The following PIK3C2A variants were observed in gnomAD, a reference collection of about 807,000 sequenced individuals.
PIK3C2A encodes phosphatidylinositol 4-phosphate 3-kinase C2 domain-containing subunit alpha.
PIK3C2A carries 97 observed loss-of-function variants against 204.5 expected under a neutral mutation model. The ratio of observed to expected loss-of-function variants is 0.47; its 90% confidence interval spans 0.40 to 0.56. PIK3C2A has a LOEUF of 0.56. Among genes scored for constraint, PIK3C2A ranks in the 20% least tolerant of loss-of-function variants. PIK3C2A has a pLI of 0.00. For synonymous variants in PIK3C2A, 653 were observed against 664.4 expected, an observed-to-expected ratio of 0.98 and a Z score of 0.26; for missense variants, 1,735 against 1,969.2, an observed-to-expected ratio of 0.88 and a Z score of 2.25.
At chr11:17,185,078 T>C (rs1487357903) in intron 1 of PIK3C2A, among the ~76,000 whole-genome samples, 3 of 152,202 alleles carry the variant, frequency 2.0e-5, no homozygotes, top group East Asian at 1.9e-4. Flanking sequence ...TATTCACTCA[T>C]TGACTCACCC....
chr11:17,178,962 C>T (rs1474956707), intron 1 of PIK3C2A, among the ~76,000 whole-genome samples: 1 of 151,464 alleles, frequency 6.6e-6, no homozygotes, highest in Non-Finnish European at 1.5e-5. Context: ...ATCTCCTGAC[C>T]TCATGATCCA....
chr11:17,187,717 TA>T (rs1851802059), intron 1 of PIK3C2A, among the ~76,000 whole-genome samples: 2 of 151,994 alleles, frequency 1.3e-5, no homozygotes, highest in African/African-American at 4.8e-5. Flanking sequence ...AATGGCTGTT[TA>T]AAATGGGAAA....
intron 27 of PIK3C2A, among the ~76,000 whole-genome samples, chr11:17,095,889 C>T (rs1451564221): frequency 2.0e-5 from 3 of 151,184 alleles, no homozygotes; most frequent in Non-Finnish European, 1.5e-5. Flanking sequence ...TGCACTCCAG[C>T]CTGGGCAACA....
At chr11:17,166,544 T>A (rs1169793013) in intron 2 of PIK3C2A, among the ~76,000 whole-genome samples, 1 of 152,246 alleles carries the variant, frequency 6.6e-6, no homozygotes, top group Admixed American at 6.5e-5. Flanking sequence ...ATTAAATTAA[T>A]CAAGGTAATT....
In PIK3C2A at chr11:17,132,664, C is replaced by T. The variant is rs557198564; in HGVS notation, c.2109-626G>A. On this transcript the variant is annotated intron_variant, in intron 11 of 32. Coordinates refer to ENST00000691414, the MANE Select transcript of PIK3C2A (RefSeq NM_002645.4). ...AATTTTGTGCTCAGTTAGTTATTAG[C>T]TTCAGATTTTAGTTGAACAACACTG... 2.0e-5 allele frequency among the ~76,000 whole-genome samples: 3 copies of T among 152,292 alleles called. No individual in the cohort carries two copies. In the East Asian group the frequency reaches 5.8e-4, roughly 29 times the overall value.
intron 1 of PIK3C2A, among the ~76,000 whole-genome samples, chr11:17,174,669 C>T (rs1276390833): frequency 4.6e-5 from 7 of 151,236 alleles, no homozygotes; most frequent in East Asian, 4.0e-4. Context: ...GAGGCTGAGG[C>T]AAGTGGATCA....
At chr11:17,199,646 G>A (rs1243482733) in intron 1 of PIK3C2A, among the ~76,000 whole-genome samples, 1 of 152,164 alleles carries the variant, frequency 6.6e-6, no homozygotes, top group Non-Finnish European at 1.5e-5. Flanking sequence ...TAAATTCACA[G>A]AGACAAAAAG....
Position 17,168,751 on chromosome 11 carries a change from C to T in PIK3C2A, c.991G>A (p.Ala331Thr). 6.2e-7 allele frequency: 1 copy of T among 1,613,252 alleles called. No homozygotes were observed. The highest frequency in any genetic ancestry group is 1.3e-5 in the African/African-American group (1 of 74,980). Residue 331 changes from alanine to threonine, a missense_variant, in exon 2 of 33, where the codon GCA (alanine) becomes ACA (threonine). Coordinates refer to ENST00000691414, the MANE Select transcript of PIK3C2A (RefSeq NM_002645.4). Reference sequence around the variant, plus strand: ...AAAGACTGGCTTCTTGTAACAGTTGCCACAGAAAGGGATTTTCCATTCACC... The same window carrying T: ...AAAGACTGGCTTCTTGTAACAGTTGTCACAGAAAGGGATTTTCCATTCACC... ...RKVNGKSLSV[A>T]TVTRSQSLNI...
At chr11:17,167,153 G>C (rs113588445) in intron 2 of PIK3C2A, among the ~76,000 whole-genome samples, 1,926 of 152,094 alleles carry the variant, frequency 0.013, 17 homozygotes, top group Non-Finnish European at 0.021. Flanking sequence ...TTGTAATTGT[G>C]TTAGAGACAG....
chr11:17,128,445 G>C (rs1453192377), intron 13 of PIK3C2A, among the ~76,000 whole-genome samples: 1 of 151,886 alleles, frequency 6.6e-6, no homozygotes, highest in Non-Finnish European at 1.5e-5. Flanking sequence ...CACCATGTTG[G>C]CCAGGCTGTT....
At chr11:17,141,811 T>C (rs1448270331) in intron 8 of PIK3C2A, among the ~76,000 whole-genome samples, 2 of 152,218 alleles carry the variant, frequency 1.3e-5, no homozygotes, top group African/African-American at 4.8e-5. Flanking sequence ...GACTAGAGTA[T>C]AGCTTTGGTA....
At chr11:17,102,961 C>A in intron 23 of PIK3C2A, 130 bp from the exon 24 acceptor site, 1 of 594,108 alleles carries the variant, frequency 1.7e-6, no homozygotes, top group Non-Finnish European at 2.8e-6. Context: ...AGCATACAAA[C>A]TGGGATATAG....
chr11:17,102,516 T>C (rs1848672480), intron 24 of PIK3C2A, 146 bp downstream of exon 24: 2 of 583,886 alleles, frequency 3.4e-6, no homozygotes, highest in East Asian at 2.8e-5. Flanking sequence ...TCTTGTCTAC[T>C]ATGTGGTATG....
intron 1 of PIK3C2A, among the ~76,000 whole-genome samples, chr11:17,171,248 T>C (rs987598314): frequency 6.6e-6 from 1 of 152,232 alleles, no homozygotes; most frequent in Non-Finnish European, 1.5e-5. Context: ...TGCCTCTCAT[T>C]GGCCTTGGGC....
At chr11:17,122,858 C>A in intron 13 of PIK3C2A, 45 bp from the exon 14 acceptor site, 1 of 830,664 alleles carries the variant, frequency 1.2e-6, no homozygotes, top group South Asian at 1.6e-5. Context: ...TTTTAAAAAT[C>A]AATTCAAAAT....
chr11:17,176,632 AAG>A (rs1352073590), intron 1 of PIK3C2A, among the ~76,000 whole-genome samples: 1 of 151,902 alleles, frequency 6.6e-6, no homozygotes, highest in Non-Finnish European at 1.5e-5. Flanking sequence ...TCTACCAAAA[AAG>A]AGTTATTTGG....
chr11:17,168,618 A>G (rs991336424), intron 2 of PIK3C2A, 59 bp downstream of exon 2: 2 of 1,161,242 alleles, frequency 1.7e-6, no homozygotes, highest in Admixed American at 4.8e-5. Context: ...CAAATTATGT[A>G]CACAAATATG....
At chr11:17,131,372 GGTAT>G (rs1360884539) in intron 12 of PIK3C2A, among the ~76,000 whole-genome samples, 4 of 149,986 alleles carry the variant, frequency 2.7e-5, no homozygotes, top group Non-Finnish European at 5.9e-5. Context: ...TAAAAAGAAT[GGTAT>G]GTTTTTGTAA....
chr11:17,182,593 C>G (rs887510830), intron 1 of PIK3C2A, among the ~76,000 whole-genome samples: 4 of 149,216 alleles, frequency 2.7e-5, no homozygotes, highest in African/African-American at 9.9e-5. Context: ...AAAAGTTCGA[C>G]TTGGAAAGTT....
Sources: gnomAD v4.1 joint callset for allele counts (sites outside exome capture counted in the v4.1 genomes callset) on GRCh38, gnomAD v4.1.1 for gene constraint, MANE v1.5 for transcripts, NCBI Gene and HGNC (gene_info 2026-07-23, HGNC 2026-07-21) for gene names.